Variants in STAT4 observed in about 807,000 individuals in gnomAD.
STAT4 encodes the protein signal transducer and activator of transcription 4.
STAT4 carries 42 observed loss-of-function variants against 110.5 expected under a neutral mutation model. The observed-to-expected ratio is 0.38, with a 90% confidence interval of 0.30 to 0.49. The LOEUF (loss-of-function observed/expected upper bound fraction) is 0.49. Among genes scored for constraint, STAT4 ranks in the 20% least tolerant of loss-of-function variants. STAT4 has a pLI of 0.95. For synonymous variants in STAT4, 284 were observed against 302.2 expected, an observed-to-expected ratio of 0.94 and a Z score of 0.63; for missense variants, 632 against 887.9, an observed-to-expected ratio of 0.71 and a Z score of 3.66.
chr2:191,063,842 A>G (rs145593487), intron 8 of STAT4, among the ~76,000 whole-genome samples: 1 of 152,308 alleles, frequency 6.6e-6, no homozygotes, highest in Non-Finnish European at 1.5e-5. Context: ...AACTCCTTAC[A>G]TTTCTTGACA....
Position 191,029,925 on chromosome 2 carries a change from A to G in STAT4, c.2221-59T>C. The G allele has an allele frequency of 1.5e-6, 2 of 1,347,592 alleles. No individual in the cohort carries two copies. Among genetic ancestry groups the G allele is most frequent in the East Asian group, 2.3e-5 (1 of 43,146 alleles). 83.5% of individuals were successfully genotyped at this position (1,347,592 alleles called of 1,614,324 possible). On this transcript the variant is annotated intron_variant, in intron 23 of 23. Transcript: ENST00000392320. This position sits in a 1 kb window ranked among gnomAD's most constrained non-coding sequence, Gnocchi z 4.5. Reference sequence around the variant, plus strand: ...ACTACTGGTTTTCAAATCAATCACTATTTCTTGGGCAAATAAACGTCCTCT... The same window carrying G: ...ACTACTGGTTTTCAAATCAATCACTGTTTCTTGGGCAAATAAACGTCCTCT...
At chr2:191,055,278 A>G (rs144181236) in intron 13 of STAT4, among the ~76,000 whole-genome samples, 1,718 of 151,606 alleles carry the variant, frequency 0.011, 29 homozygotes, top group African/African-American at 0.038. Context: ...GGCTCACTGC[A>G]AGCTCCACCT....
chr2:191,075,360 G>A (rs1032807396), intron 4 of STAT4, among the ~76,000 whole-genome samples: 1 of 152,048 alleles, frequency 6.6e-6, no homozygotes, highest in African/African-American at 2.4e-5. Flanking sequence ...ATTCATCCAG[G>A]AAAATGGGAT....
intron 3 of STAT4, among the ~76,000 whole-genome samples, chr2:191,088,663 C>T (rs12990918): frequency 0.15 from 23,381 of 152,118 alleles, 2,845 homozygotes; most frequent in African/African-American, 0.34. Context: ...TGACTCCACT[C>T]AACTTTGGGA....
rs1294243595 is a variant in STAT4 at position 191,029,591 on chromosome 2, G to A, written c.*249C>T. On this transcript the variant is annotated 3_prime_UTR_variant, in exon 24 of 24. Transcript: ENST00000392320. This position sits in a 1 kb window ranked among gnomAD's most constrained non-coding sequence, Gnocchi z 4.5. Reference sequence around the variant, plus strand: ...GGCAAGCGAGTCTTCTGTTAATATTGTTATTAACACTGGTTTCTTAAAGTT... The same window carrying A: ...GGCAAGCGAGTCTTCTGTTAATATTATTATTAACACTGGTTTCTTAAAGTT... The A allele has an allele frequency of 2.0e-6, 1 of 493,740 alleles. No individual in the cohort carries two copies. The highest frequency in any genetic ancestry group is 3.5e-6 in the Non-Finnish European group (1 of 284,014). 30.6% of individuals were successfully genotyped at this position (493,740 alleles called of 1,614,324 possible).
chr2:191,123,501 A>C (rs1163403267), intron 3 of STAT4, among the ~76,000 whole-genome samples: 1 of 152,222 alleles, frequency 6.6e-6, no homozygotes, highest in African/African-American at 2.4e-5. Context: ...CATATTCTCG[A>C]AATACAGATG....
chr2:191,056,788 T>A (rs1696710142), intron 13 of STAT4, among the ~76,000 whole-genome samples: 1 of 149,228 alleles, frequency 6.7e-6, no homozygotes, highest in African/African-American at 2.5e-5. Flanking sequence ...TATTTTTTTT[T>A]TTTTTTTTTT....
At chr2:191,073,286 A>G (rs1222722169) in intron 4 of STAT4, 96 bp from the exon 5 acceptor site, 1 of 912,462 alleles carries the variant, frequency 1.1e-6, no homozygotes, top group East Asian at 2.4e-5. Context: ...GTCTGGATCA[A>G]TGTGATATGG....
In STAT4 at chr2:191,113,579, G is replaced by A. The variant is rs537483421; in HGVS notation, c.273+33034C>T. 1.0e-3 allele frequency among the ~76,000 whole-genome samples: 152 copies of A among 152,298 alleles called. No homozygotes were observed. The highest frequency in any genetic ancestry group is 3.6e-3 in the African/African-American group (149 of 41,570). On this transcript the variant is annotated intron_variant, in intron 3 of 23. Transcript: ENST00000392320. This position sits in a 1 kb window ranked among gnomAD's most constrained non-coding sequence, Gnocchi z 4.8. ...ATTCAAGGAAACTTTTGGCTTCACA[G>A]GGAGATGTAAGAAGGCAATTAGGTA...
rs541837064 is a variant in STAT4 at position 191,116,886 on chromosome 2, T to C, written c.273+29727A>G. Among the ~76,000 whole-genome samples the C allele has an allele frequency of 3.9e-5, 6 of 152,330 alleles. No individual in the cohort carries two copies. Among genetic ancestry groups the C allele is most frequent in the African/African-American group, 1.4e-4 (6 of 41,580 alleles). On this transcript the variant is annotated intron_variant, in intron 3 of 23. Transcript: ENST00000392320. This position sits in a 1 kb window ranked among gnomAD's most constrained non-coding sequence, Gnocchi z 4.1. ...CTTGAGGTGGACAGTAAATAAATCT[T>C]TGGGAATCCATCGCTTCCACTAAGA...
At position 191,051,932 on chromosome 2, in the gene STAT4, G is replaced by C. The variant is rs893038758; in HGVS notation, c.1251+2558C>G. Among the ~76,000 whole-genome samples, 2 of 152,198 alleles carry C rather than the reference G, an allele frequency of 1.3e-5. No homozygotes were observed. Among genetic ancestry groups the C allele is most frequent in the Non-Finnish European group, 2.9e-5 (2 of 68,048 alleles). On this transcript the variant is annotated intron_variant, in intron 14 of 23. Transcript: ENST00000392320. This position sits in a 1 kb window ranked among gnomAD's most constrained non-coding sequence, Gnocchi z 5.6. ...TACCTACTTCACAGTCTTGTTGCAA[G>C]AGTTACAGAAATCAGTATTAGTGAA...
chr2:191,114,910 T>C (rs1698532223), intron 3 of STAT4, among the ~76,000 whole-genome samples: 1 of 152,188 alleles, frequency 6.6e-6, no homozygotes, highest in South Asian at 2.1e-4. Context: ...TCACAGACTT[T>C]TATGTGTTGT....
chr2:191,146,788 A>T lies in STAT4; in HGVS notation c.129-31T>A. 2 of 1,472,864 alleles carry T rather than the reference A, an allele frequency of 1.4e-6. No individual in the cohort carries two copies. Among genetic ancestry groups the T allele is most frequent in the Non-Finnish European group, 1.8e-6 (2 of 1,109,470 alleles). 91.2% of individuals were successfully genotyped at this position (1,472,864 alleles called of 1,614,324 possible). Reference sequence around the variant, plus strand: ...AAAAAAAAGGATTATTACACAACAGAAAACAACTTTGTAAAATGTCTACTT... The same window carrying T: ...AAAAAAAAGGATTATTACACAACAGTAAACAACTTTGTAAAATGTCTACTT... On this transcript the variant is annotated intron_variant, in intron 2 of 23. Transcript: ENST00000392320. This position sits in a 1 kb window ranked among gnomAD's most constrained non-coding sequence, Gnocchi z 4.5.
At chr2:191,057,587 TTTTTTTTTCTTTTTC>T (rs1317985839) in intron 13 of STAT4, among the ~76,000 whole-genome samples, 7 of 150,576 alleles carry the variant, frequency 4.6e-5, no homozygotes, top group African/African-American at 7.3e-5. Context: ...TTTTCTTTTT[TTTTTTTTTCTTTTTC>T]TTTTTTTTTT....
Position 191,113,012 on chromosome 2 carries a change from G to A in STAT4, c.273+33601C>T, listed in dbSNP as rs1484294640. ...AGCTCTCTGCTGTTCTTGCCCATCT[G>A]GGAATACTCACACGAGTAGGGCAAG... On this transcript the variant is annotated intron_variant, in intron 3 of 23. Coordinates refer to ENST00000392320, the MANE Select transcript of STAT4 (RefSeq NM_003151.4). This position sits in a 1 kb window ranked among gnomAD's most constrained non-coding sequence, Gnocchi z 4.8. Among the ~76,000 whole-genome samples, 2 of 152,228 alleles carry A rather than the reference G, an allele frequency of 1.3e-5. No homozygotes were observed. The highest frequency in any genetic ancestry group is 2.9e-5 in the Non-Finnish European group (2 of 68,038).
At chr2:191,085,212 T>C (rs1697605381) in intron 3 of STAT4, among the ~76,000 whole-genome samples, 2 of 151,940 alleles carry the variant, frequency 1.3e-5, no homozygotes, top group Non-Finnish European at 2.9e-5. Flanking sequence ...AAATTACTTA[T>C]TTTATAGTGA....
rs777408586 is a variant in STAT4, at chr2:191,117,087, C to T, written c.273+29526G>A. 3.3e-5 allele frequency among the ~76,000 whole-genome samples: 5 copies of T among 152,124 alleles called. No homozygotes were observed. Among genetic ancestry groups the T allele is most frequent in the Non-Finnish European group, 7.4e-5 (5 of 68,020 alleles). Reference sequence around the variant, plus strand: ...GAACAGAATCTCTGGAGTGGGGCTGCGCATGGCTAATTTTCAAATGCGTCA... The same window carrying T: ...GAACAGAATCTCTGGAGTGGGGCTGTGCATGGCTAATTTTCAAATGCGTCA... On this transcript the variant is annotated intron_variant, in intron 3 of 23. Transcript: ENST00000392320. The surrounding 1 kb of genome is among the most constrained non-coding windows in gnomAD (Gnocchi z 5.2).
At chr2:191,034,112 A>G (rs1410373988) in intron 18 of STAT4, 107 bp from the exon 19 acceptor site, 1 of 806,216 alleles carries the variant, frequency 1.2e-6, no homozygotes, top group African/African-American at 1.8e-5. Flanking sequence ...AAACTGGACA[A>G]CACCTTAATT....
rs1285891113 is a variant in STAT4, at chr2:191,066,706, AAAGGACCTCTTTATTTTAGAGCTTC to A, written c.545-216_545-192del. Among the ~76,000 whole-genome samples the A allele has an allele frequency of 2.0e-5, 3 of 152,148 alleles. No individual in the cohort carries two copies. Among genetic ancestry groups the A allele is most frequent in the Non-Finnish European group, 2.9e-5 (2 of 68,022 alleles). On this transcript the variant is annotated intron_variant, in intron 6 of 23. Transcript: ENST00000392320. The surrounding 1 kb of genome is among the most constrained non-coding windows in gnomAD (Gnocchi z 4.3). ...GGAGAATCACATCCAAGCATGCAAA[AAAGGACCTCTTTATTTTAGAGCTTC>A]AGGAAAAACCATTCTGCACTGGGTG...
Sources: allele counts gnomAD v4.1 joint callset (sites outside exome capture counted in the v4.1 genomes callset), GRCh38; gene constraint gnomAD v4.1.1; non-coding constraint Gnocchi (gnomAD v3.1); transcripts MANE v1.5; gene names NCBI Gene and HGNC (gene_info 2026-07-23, HGNC 2026-07-21).